NAV2: variants seen among roughly 807,000 people sequenced by gnomAD.
NAV2 encodes neuron navigator 2, also known as helicase, APC down-regulated 1.
A neutral mutation model predicts 223.2 loss-of-function variants in NAV2; 54 were observed. The ratio of observed to expected loss-of-function variants is 0.24; its 90% confidence interval spans 0.19 to 0.30. The LOEUF (loss-of-function observed/expected upper bound fraction) is 0.30. NAV2 is among the 10% of genes least tolerant of loss of function. The pLI is 1.00. For missense variants in NAV2, 2,806 were observed against 3,147.5 expected (o/e 0.89, Z 2.60); for synonymous variants, 1,279 against 1,239.3 (o/e 1.03, Z -0.67).
chr11:19,927,794 A>G (rs1411713285), intron 6 of NAV2, among the ~76,000 whole-genome samples: 1 of 152,202 alleles, frequency 6.6e-6, no homozygotes. Context: ...ATTATACATA[A>G]TAAGAGTATA....
intron 8 of NAV2, among the ~76,000 whole-genome samples, chr11:19,944,687 T>C (rs1001433923): frequency 6.7e-6 from 1 of 150,184 alleles, no homozygotes; most frequent in East Asian, 1.9e-4. Flanking sequence ...CTCTTCTCTT[T>C]TCTTTCTTTC....
intron 1 of NAV2, chr11:19,519,668 A>T (rs987155517): frequency 6.6e-6 from 1 of 152,272 alleles, no homozygotes; most frequent in African/African-American, 2.4e-5. Flanking sequence ...GATTCAGCCC[A>T]GCATGTCAAT....
intron 1 of NAV2, among the ~76,000 whole-genome samples, chr11:19,408,060 C>T (rs1849979841): frequency 5.9e-5 from 9 of 152,116 alleles, no homozygotes; most frequent in Admixed American, 5.9e-4. Flanking sequence ...CCAGTGCCGT[C>T]AGTTCCCATC....
At chr11:20,047,921 A>G (rs1357606355) in intron 14 of NAV2, among the ~76,000 whole-genome samples, 2 of 152,212 alleles carry the variant, frequency 1.3e-5, no homozygotes, top group African/African-American at 2.4e-5. Flanking sequence ...CTCTGACTTA[A>G]AGATAATTTC....
intron 1 of NAV2, among the ~76,000 whole-genome samples, chr11:19,703,906 C>G (rs1471167219): frequency 2.0e-5 from 3 of 152,054 alleles, no homozygotes; most frequent in African/African-American, 7.2e-5. Context: ...TCCCAGGTGA[C>G]TCTAATGTAA....
intron 1 of NAV2, among the ~76,000 whole-genome samples, chr11:19,565,555 G>T (rs1487198): frequency 0.064 from 9,807 of 152,188 alleles, 645 homozygotes; most frequent in African/African-American, 0.16. Context: ...AGGGCTACAT[G>T]CATCACTGAT....
intron 1 of NAV2, among the ~76,000 whole-genome samples, chr11:19,530,361 G>C (rs754437992): frequency 1.3e-5 from 2 of 152,348 alleles, no homozygotes; most frequent in Non-Finnish European, 2.9e-5. Context: ...TGTCAGGTTA[G>C]ATGGTAATAA....
chr11:19,694,250 G>T (rs2049263619), intron 1 of NAV2, among the ~76,000 whole-genome samples: 1 of 152,220 alleles, frequency 6.6e-6, no homozygotes, highest in African/African-American at 2.4e-5. Context: ...GCTGCACTGT[G>T]TGGGGAGTTC....
At chr11:19,685,311 G>A (rs2048992774) in intron 1 of NAV2, among the ~76,000 whole-genome samples, 1 of 152,174 alleles carries the variant, frequency 6.6e-6, no homozygotes, top group Non-Finnish European at 1.5e-5. Flanking sequence ...TCATCCATCA[G>A]TGGGGAGCAG....
At chr11:19,790,092 C>T (rs1015698662) in intron 1 of NAV2, among the ~76,000 whole-genome samples, 4 of 152,192 alleles carry the variant, frequency 2.6e-5, no homozygotes, top group Non-Finnish European at 4.4e-5. Flanking sequence ...TTCCCAGCCT[C>T]GGATGCTATC....
chr11:19,407,384 G>A (rs914905030), intron 1 of NAV2, among the ~76,000 whole-genome samples: 1 of 152,164 alleles, frequency 6.6e-6, no homozygotes, highest in African/African-American at 2.4e-5. Context: ...GGAGGAAGCC[G>A]ATCTCAGCTG....
intron 1 of NAV2, among the ~76,000 whole-genome samples, chr11:19,597,616 A>G (rs915382487): frequency 6.6e-6 from 1 of 152,258 alleles, no homozygotes; most frequent in Non-Finnish European, 1.5e-5. Flanking sequence ...CAGTTTAATT[A>G]CTGCCTGCCG....
intron 1 of NAV2, among the ~76,000 whole-genome samples, chr11:19,383,506 C>T (rs1193081423): frequency 6.6e-6 from 1 of 152,174 alleles, no homozygotes; most frequent in Non-Finnish European, 1.5e-5. Context: ...CAATATAGAC[C>T]CTTTTTAAAA....
At chr11:19,362,622 A>T (rs1391551791) in intron 1 of NAV2, among the ~76,000 whole-genome samples, 2 of 152,222 alleles carry the variant, frequency 1.3e-5, no homozygotes, top group Non-Finnish European at 2.9e-5. Flanking sequence ...GACACTTGCC[A>T]TCTGCCATCA....
chr11:20,088,890 G>A (rs1409488174), intron 26 of NAV2, among the ~76,000 whole-genome samples: 1 of 152,046 alleles, frequency 6.6e-6, no homozygotes, highest in African/African-American at 2.4e-5. Context: ...TGGCTAAGAA[G>A]GGAGTATCAC....
chr11:19,519,026 G>A (rs2043557042), intron 1 of NAV2, among the ~76,000 whole-genome samples: 2 of 152,246 alleles, frequency 1.3e-5, no homozygotes, highest in South Asian at 2.1e-4. Flanking sequence ...GGCCATGCTG[G>A]CACCCTGATC....
intron 22 of NAV2, 76 bp downstream of exon 22, chr11:20,068,474 T>G (rs565060804): frequency 1.7e-4 from 185 of 1,063,860 alleles, no homozygotes; most frequent in Non-Finnish European, 2.6e-4. Context: ...CAAGTCCTCC[T>G]GTGCTGAACA....
chr11:19,641,743 T>G (rs1224138067), intron 1 of NAV2, among the ~76,000 whole-genome samples: 2 of 152,096 alleles, frequency 1.3e-5, no homozygotes, highest in Non-Finnish European at 2.9e-5. Context: ...TTGGCTCAAA[T>G]GCCCCTGGCC....
upstream of NAV2, among the ~76,000 whole-genome samples, chr11:19,709,439 G>A (rs1249568557): frequency 6.6e-6 from 1 of 150,852 alleles, no homozygotes; most frequent in Admixed American, 6.6e-5. Context: ...CTACTCAGGA[G>A]GCTGAGGCAG....
Sources: allele counts gnomAD v4.1 joint callset (sites outside exome capture counted in the v4.1 genomes callset), GRCh38; gene constraint gnomAD v4.1.1; transcripts MANE v1.5; gene names NCBI Gene and HGNC (gene_info 2026-07-23, HGNC 2026-07-21).